CPAMD8: variants seen among roughly 807,000 people sequenced by gnomAD.
The protein encoded by CPAMD8 is C3 and PZP-like alpha-2-macroglobulin domain-containing protein 8.
In CPAMD8, 146 loss-of-function variants were observed where a neutral mutation model predicts 224.7. The ratio of observed to expected loss-of-function variants is 0.65; its 90% CI spans 0.57 to 0.75. The LOEUF (loss-of-function observed/expected upper bound fraction) is 0.75, where lower values mean the gene tolerates loss of function less well. CPAMD8 is among the 30% of genes least tolerant of loss of function. CPAMD8 has a pLI of 0.00. For missense variants in CPAMD8, 2,301 were observed against 2,537.5 expected, an observed-to-expected ratio of 0.91 and a Z score of 2.00; for synonymous variants, 966 against 1,044.6, an observed-to-expected ratio of 0.92 and a Z score of 1.45.
At chr19:16,915,461 C>T (rs1049454493) in intron 27 of CPAMD8, among the ~76,000 whole-genome samples, 19 of 152,184 alleles carry the variant, frequency 1.2e-4, no homozygotes, top group African/African-American at 4.3e-4. Flanking sequence ...TAGCACCTCC[C>T]CAGCCCTGCA....
intron 29 of CPAMD8, among the ~76,000 whole-genome samples, chr19:16,910,273 G>A (rs193052758): frequency 6.6e-6 from 1 of 151,214 alleles, no homozygotes; most frequent in Non-Finnish European, 1.5e-5. Flanking sequence ...AGGTTCAAGC[G>A]ATTCTTCTGC....
rs755418027 is a variant in CPAMD8, at chr19:16,893,117, G to A, written c.5649C>T (p.Thr1883=). The A allele has an allele frequency of 1.4e-6, 2 of 1,398,380 alleles. No individual in the cohort carries two copies. The highest frequency in any genetic ancestry group is 1.7e-5 in the Admixed American group (1 of 58,836). The allele number at this position is 1,398,380 out of a possible 1,614,324, so 86.6% of individuals were successfully genotyped here. Residue 1883 remains threonine, a synonymous_variant, in exon 42 of 42, where the codon ACC becomes ACT. Transcript: ENST00000443236. ...EEGLWMSNTC[T]LR is the part of the protein sequence containing the mutation. ...GCATGTGGTTGTAGGATTATCTCAA[G>A]GTGCAGGTGTTTGACATCCATAAAC...
At chr19:16,942,488 TAATA>T (rs2053934065) in intron 22 of CPAMD8, among the ~76,000 whole-genome samples, 2 of 152,218 alleles carry the variant, frequency 1.3e-5, no homozygotes, top group South Asian at 4.1e-4. Context: ...ATAAATAAAC[TAATA>T]AATAAATAAC....
At chr19:16,985,856 G>A (rs982624553) in intron 13 of CPAMD8, among the ~76,000 whole-genome samples, 10 of 151,830 alleles carry the variant, frequency 6.6e-5, no homozygotes, top group African/African-American at 2.2e-4. Context: ...GGTGGATGGA[G>A]GGATGAATGA....
In CPAMD8 at chr19:16,969,603, G is replaced by T. The variant is rs79738442; in HGVS notation, c.2213+1288C>A. Among the ~76,000 whole-genome samples, 793 of 152,268 alleles carry T rather than the reference G, an allele frequency of 5.2e-3. 9 individuals carry two copies. Among genetic ancestry groups the T allele is most frequent in the South Asian group, 0.015 (72 of 4,824 alleles). On this transcript the variant is annotated intron_variant, in intron 18 of 41. Coordinates refer to ENST00000443236, the MANE Select transcript of CPAMD8 (RefSeq NM_015692.5). ...CCCTTATAAAAGGGACTCTAGGCCGGGTGCAGAGGCTCACGCCTGTAATCC... is the reference window on the plus strand; with the variant it reads ...CCCTTATAAAAGGGACTCTAGGCCGTGTGCAGAGGCTCACGCCTGTAATCC...
At position 16,967,810 on chromosome 19, in the gene CPAMD8, C is replaced by T. The variant is rs542900503; in HGVS notation, c.2213+3081G>A. Among the ~76,000 whole-genome samples, 12 of 111,812 alleles carry T rather than the reference C, an allele frequency of 1.1e-4. No homozygotes were observed. The South Asian group carries it at 3.5e-3, about 33-fold the overall frequency. The allele number at this position is 111,812 out of a possible 152,430, so 73.4% of individuals were successfully genotyped here. A position where few individuals can be genotyped will look rare whatever the true frequency, so the allele number is the denominator to read the frequency against. On this transcript the variant is annotated intron_variant, in intron 18 of 41. Transcript: ENST00000443236. Reference sequence around the variant, plus strand: ...GGCAACAGAGTGAGACTCTGTCTCACCAAAATATATATATATATGTATATA... The same window carrying T: ...GGCAACAGAGTGAGACTCTGTCTCATCAAAATATATATATATATGTATATA...
intron 29 of CPAMD8, among the ~76,000 whole-genome samples, chr19:16,910,132 A>G (rs986377961): frequency 2.6e-5 from 4 of 151,764 alleles, no homozygotes; most frequent in African/African-American, 4.8e-5. Flanking sequence ...GATTATAGGC[A>G]TGAGCCACTG....
chr19:16,988,178 C>T lies in CPAMD8; in HGVS notation c.1395+1465G>A, dbSNP rs541059993. Among the ~76,000 whole-genome samples, 12 of 152,268 alleles carry T rather than the reference C, an allele frequency of 7.9e-5. 2 individuals carry two copies. In the East Asian group the frequency reaches 1.9e-3, roughly 24 times the overall value. ...TGGAGAAACTCCCAGGGCCTCTGCA[C>T]TAAGGGAAGGCTCAAGGCAGTGGGG... On this transcript the variant is annotated intron_variant, in intron 13 of 41. Transcript: ENST00000443236.
At chr19:17,022,246 C>G (rs1036660417) in intron 1 of CPAMD8, 65 bp from the exon 2 acceptor site, 1 of 1,553,484 alleles carries the variant, frequency 6.4e-7, no homozygotes, top group Non-Finnish European at 8.7e-7. Flanking sequence ...GCCACCACAG[C>G]TAGGTCAGGG....
At chr19:17,016,809 GGA>G (rs905866852) in intron 3 of CPAMD8, among the ~76,000 whole-genome samples, 3 of 151,388 alleles carry the variant, frequency 2.0e-5, no homozygotes, top group African/African-American at 4.8e-5. Flanking sequence ...AGGAAAGGCA[GGA>G]GAGAGAGAGA....
chr19:16,945,717 C>T (rs773145787), intron 21 of CPAMD8, 38 bp from the exon 22 acceptor site: 2 of 1,608,928 alleles, frequency 1.2e-6, no homozygotes, highest in Non-Finnish European at 1.7e-6. Context: ...GAACAGGTCT[C>T]CACCCAAGAT....
chr19:16,976,507 C>T (rs1423170473), intron 15 of CPAMD8, among the ~76,000 whole-genome samples: 3 of 151,974 alleles, frequency 2.0e-5, no homozygotes, highest in African/African-American at 7.3e-5. Context: ...TTGGTTCAAT[C>T]CAGGTTTGGT....
rs369375317 is a variant in CPAMD8 at position 16,907,046 on chromosome 19, A to G, written c.3933T>C (p.Tyr1311=). ...GCGCGTAGGTAGTCAGGGCACAGCT[A>G]TAAGGGTCCATGGCCAGGGGCGCAG... The part of the protein sequence containing the change: ...ESAAPLAMDP[Y]SCALTTYALT... Residue 1311 remains tyrosine, a synonymous_variant, in exon 30 of 42, where the codon TAT becomes TAC. Transcript: ENST00000443236. 2.8e-5 allele frequency: 45 copies of G among 1,608,152 alleles called. No individual in the cohort carries two copies. In the African/African-American group the frequency reaches 4.9e-4, roughly 18 times the overall value.
chr19:16,942,852 G>A (rs766604446), intron 22 of CPAMD8, among the ~76,000 whole-genome samples: 42 of 152,212 alleles, frequency 2.8e-4, no homozygotes, highest in Non-Finnish European at 4.0e-4. Flanking sequence ...CATGATGCAC[G>A]AATAGTAGCT....
intron 21 of CPAMD8, among the ~76,000 whole-genome samples, 155 bp from the exon 22 acceptor site, chr19:16,945,834 T>C (rs760140684): frequency 2.0e-5 from 3 of 151,750 alleles, no homozygotes; most frequent in African/African-American, 4.8e-5. Context: ...CATGCAAGTG[T>C]GTATGTCTGC....
chr19:16,952,394 T>C (rs763032713), intron 19 of CPAMD8, among the ~76,000 whole-genome samples, 194 bp from the exon 20 acceptor site: 1 of 152,136 alleles, frequency 6.6e-6, no homozygotes, highest in Non-Finnish European at 1.5e-5. Flanking sequence ...ATAGAAAACA[T>C]GGGCTGGGCG....
chr19:16,999,376 C>T (rs959152160), intron 10 of CPAMD8, among the ~76,000 whole-genome samples: 53 of 151,612 alleles, frequency 3.5e-4, no homozygotes, highest in African/African-American at 1.2e-3. Flanking sequence ...GTCAGGAGAT[C>T]GAGACCATCC....
intron 1 of CPAMD8, among the ~76,000 whole-genome samples, chr19:17,023,828 C>A (rs1292993782): frequency 6.6e-6 from 1 of 152,126 alleles, no homozygotes; most frequent in East Asian, 1.9e-4. Context: ...GTGATCTGCG[C>A]ACCTTGGCCT....
At position 16,896,692 on chromosome 19, in the gene CPAMD8, C is replaced by T; in HGVS notation, c.5066-27G>A. 2 of 1,378,038 alleles carry T rather than the reference C, an allele frequency of 1.5e-6. 1 individual carries two copies. The highest frequency in any genetic ancestry group is 3.2e-5 in the South Asian group (2 of 63,304). The allele number at this position is 1,378,038 out of a possible 1,614,324, so 85.4% of individuals were successfully genotyped here. A position where few individuals can be genotyped will look rare whatever the true frequency, so the allele number is the denominator to read the frequency against. ...TGGGGGACGAGGCAGGCTCGACAGA[C>T]CCCCCACCCTGAACCTTGCCCGCGC... On this transcript the variant is annotated intron_variant, in intron 39 of 41. Transcript: ENST00000443236.
Sources: gnomAD v4.1 joint callset for allele counts (sites outside exome capture counted in the v4.1 genomes callset) on GRCh38, gnomAD v4.1.1 for gene constraint, MANE v1.5 for transcripts, NCBI Gene and HGNC (gene_info 2026-07-23, HGNC 2026-07-21) for gene names.